The following RNF13 variants were observed in gnomAD, a reference collection of about 807,000 sequenced individuals.
RNF13 encodes the protein ring finger protein 13, also known as E3 ubiquitin-protein ligase RNF13.
In RNF13, 19 loss-of-function variants were observed where a neutral mutation model predicts 37.7. That is an observed-to-expected ratio of 0.50 (90% CI 0.35 to 0.74). RNF13 has a LOEUF of 0.74. RNF13 is among the 30% of genes least tolerant of loss of function. RNF13 has a pLI of 0.01. For missense variants in RNF13, 375 were observed against 453.0 expected, an observed-to-expected ratio of 0.83 and a Z score of 1.56; for synonymous variants, 144 against 157.8, an observed-to-expected ratio of 0.91 and a Z score of 0.65.
chr3:149,834,028 A>G (rs1721336888), intron 1 of RNF13, among the ~76,000 whole-genome samples: 1 of 152,234 alleles, frequency 6.6e-6, no homozygotes, highest in South Asian at 2.1e-4. Context: ...TACAATATCA[A>G]CAAAAATAAA....
chr3:149,872,032 T>G lies in RNF13; in HGVS notation c.199T>G (p.Phe67Val), dbSNP rs757914682. Residue 67 changes from phenylalanine to valine, a missense_variant, in exon 4 of 10, where the codon TTT becomes GTT. Physicochemically the swap from Phe to Val is conservative, Grantham distance 50. Coordinates refer to ENST00000392894, the MANE Select transcript of RNF13 (RefSeq NM_183381.3). ...ATTTTTACCAATTCTTTTTCAGGGT[T>G]TTTTGATTAACTCAAAACCAGAGAA... ...YRLPAEGLKG[F>V]LINSKPENAC... 2 of 1,585,432 alleles carry G rather than the reference T, an allele frequency of 1.3e-6. No homozygotes were observed. Among genetic ancestry groups the G allele is most frequent in the African/African-American group, 1.4e-5 (1 of 73,292 alleles).
In RNF13 at chr3:149,893,402, AT is replaced by A. The variant is rs373649632; in HGVS notation, c.322-2068del. ...GCTTTTGATATTGGTCTAATTTTATATTTCTTAAATTGTGTCTTTGGCAACA... is the reference window on the plus strand; with the variant it reads ...GCTTTTGATATTGGTCTAATTTTATATTCTTAAATTGTGTCTTTGGCAACA... On this transcript the variant is annotated intron_variant, in intron 4 of 9. Coordinates refer to ENST00000392894, the MANE Select transcript of RNF13 (RefSeq NM_183381.3). Among the ~76,000 whole-genome samples, 18 of 152,298 alleles carry A rather than the reference AT, an allele frequency of 1.2e-4. No homozygotes were observed. The East Asian group carries it at 2.5e-3, about 21-fold the overall frequency.
intron 7 of RNF13, among the ~76,000 whole-genome samples, chr3:149,914,765 G>A (rs1232379901): frequency 2.0e-5 from 3 of 151,692 alleles, no homozygotes; most frequent in South Asian, 4.2e-4. Flanking sequence ...TGGTGAAACC[G>A]CGTCTCTACT....
chr3:149,856,049 T>G (rs1723614100), intron 3 of RNF13, among the ~76,000 whole-genome samples: 1 of 152,006 alleles, frequency 6.6e-6, no homozygotes, highest in Non-Finnish European at 1.5e-5. Context: ...GCTCCTCAAT[T>G]ACTGTGCTAC....
At chr3:149,913,433 T>G (rs2108521020) in intron 7 of RNF13, among the ~76,000 whole-genome samples, 1 of 152,342 alleles carries the variant, frequency 6.6e-6, no homozygotes, top group South Asian at 2.1e-4. Flanking sequence ...TCCCGCATTG[T>G]TAACATTTTA....
intron 3 of RNF13, among the ~76,000 whole-genome samples, chr3:149,865,678 C>CA (rs1224366905): frequency 1.3e-5 from 2 of 151,926 alleles, no homozygotes; most frequent in Non-Finnish European, 2.9e-5. Context: ...TTTCTGTAAA[C>CA]AAAAAAATTG....
In RNF13 at chr3:149,878,573, A is replaced by G. The variant is rs998730513; in HGVS notation, c.321+6419A>G. ...GCAAAGTTCCCAGGAATTTTTATCCAATAGATAAAATTAATGATTTACATT... is the reference window on the plus strand; with the variant it reads ...GCAAAGTTCCCAGGAATTTTTATCCGATAGATAAAATTAATGATTTACATT... On this transcript the variant is annotated intron_variant, in intron 4 of 9. Coordinates refer to ENST00000392894, the MANE Select transcript of RNF13 (RefSeq NM_183381.3). Among the ~76,000 whole-genome samples, 16 of 152,342 alleles carry G rather than the reference A, an allele frequency of 1.1e-4. No homozygotes were observed. In the East Asian group the frequency reaches 3.1e-3, roughly 29 times the overall value.
intron 8 of RNF13, among the ~76,000 whole-genome samples, chr3:149,930,992 C>T (rs1184768291): frequency 6.6e-6 from 1 of 151,946 alleles, no homozygotes; most frequent in Non-Finnish European, 1.5e-5. Context: ...TTTCATTTAT[C>T]TTTTCAAAGA....
chr3:149,922,097 C>A (rs1357933207), intron 8 of RNF13, among the ~76,000 whole-genome samples: 2 of 152,156 alleles, frequency 1.3e-5, no homozygotes, highest in Non-Finnish European at 2.9e-5. Context: ...CCTCAGCCTT[C>A]CGAGTAGCTG....
At position 149,961,047 on chromosome 3, in the gene RNF13, C is replaced by T. The variant is rs371997640; in HGVS notation, c.1089C>T (p.Val363=). The change falls in exon 10 of 10, where the codon GTC becomes GTT. Residue 363 remains valine (V), a synonymous_variant. Coordinates refer to ENST00000392894, the MANE Select transcript of RNF13 (RefSeq NM_183381.3). ...DAENEINEHD[V]VVQLQPNGER... The stretch of plus-strand genomic sequence containing the variant: ...AAAATGAAATTAATGAACATGATGT[C>T]GTGGTCCAGTTGCAGCCTAATGGTG... The T allele has an allele frequency of 2.7e-4, 440 of 1,613,844 alleles. No homozygotes were observed. Among genetic ancestry groups the T allele is most frequent in the Middle Eastern group, 2.0e-3 (12 of 6,062 alleles).
chr3:149,946,425 T>C lies in RNF13; in HGVS notation c.701-13631T>C, dbSNP rs532090126. ...TTTGTGGACTTCTCCAGTGAGGACT[T>C]CTCCAGTGAATCTATCTGGTCCTGG... On this transcript the variant is annotated intron_variant, in intron 8 of 9. Transcript: ENST00000392894. Among the ~76,000 whole-genome samples, 3 of 152,360 alleles carry C rather than the reference T, an allele frequency of 2.0e-5. No individual in the cohort carries two copies. In the South Asian group the frequency reaches 6.2e-4, roughly 32 times the overall value.
intron 8 of RNF13, among the ~76,000 whole-genome samples, chr3:149,956,606 A>C (rs1021405014): frequency 1.3e-5 from 2 of 152,234 alleles, no homozygotes; most frequent in Non-Finnish European, 2.9e-5. Flanking sequence ...TAACATTCCC[A>C]GATTGATGAG....
intron 8 of RNF13, chr3:149,939,335 T>C: frequency 2.2e-6 from 1 of 457,662 alleles, no homozygotes; most frequent in South Asian, 1.7e-5. Flanking sequence ...CAGCAAGTTT[T>C]ACTTTTTTCT....
At chr3:149,855,287 C>T (rs570413367) in intron 3 of RNF13, among the ~76,000 whole-genome samples, 1 of 152,220 alleles carries the variant, frequency 6.6e-6, no homozygotes, top group South Asian at 2.1e-4. Context: ...CCATTGCACT[C>T]CAGCCTGGGC....
At chr3:149,909,595 A>G (rs771309002) in intron 6 of RNF13, among the ~76,000 whole-genome samples, 32 of 151,982 alleles carry the variant, frequency 2.1e-4, no homozygotes, top group Non-Finnish European at 2.5e-4. Flanking sequence ...ATCTTTTATC[A>G]ATTGTTGACC....
rs570164294 is a variant in RNF13, at chr3:149,907,353, A to T, written c.501-4625A>T. ...TAGTAAGAAAGCTTCTCGTTTCTTTAAGTAAGATTCTGGTTTTTTATCATA... is the reference window on the plus strand; with the variant it reads ...TAGTAAGAAAGCTTCTCGTTTCTTTTAGTAAGATTCTGGTTTTTTATCATA... On this transcript the variant is annotated intron_variant, in intron 6 of 9. Transcript: ENST00000392894. Among the ~76,000 whole-genome samples the T allele has an allele frequency of 2.6e-5, 4 of 152,298 alleles. No homozygotes were observed. In the South Asian group the frequency reaches 8.3e-4, roughly 32 times the overall value.
chr3:149,849,420 G>A (rs1294563931), intron 2 of RNF13, among the ~76,000 whole-genome samples: 1 of 152,236 alleles, frequency 6.6e-6, no homozygotes, highest in Admixed American at 6.5e-5. Context: ...GGGTGGTGGT[G>A]TGAATGGATT....
chr3:149,825,638 T>A (rs1292225605), intron 1 of RNF13, among the ~76,000 whole-genome samples: 1 of 152,202 alleles, frequency 6.6e-6, no homozygotes, highest in East Asian at 1.9e-4. Context: ...TGTTACCTGG[T>A]GTGCTGCAAC....
intron 1 of RNF13, among the ~76,000 whole-genome samples, chr3:149,835,482 C>A (rs1442306797): frequency 6.6e-6 from 1 of 152,062 alleles, no homozygotes; most frequent in Non-Finnish European, 1.5e-5. Flanking sequence ...CCGTTGCATT[C>A]TCGTAGCTTA....
Sources: gnomAD v4.1 joint callset for allele counts (sites outside exome capture counted in the v4.1 genomes callset) on GRCh38, gnomAD v4.1.1 for gene constraint, MANE v1.5 for transcripts, NCBI Gene and HGNC (gene_info 2026-07-23, HGNC 2026-07-21) for gene names.